The following ZNF33A variants were observed in gnomAD, a reference collection of about 807,000 sequenced individuals.
ZNF33A encodes the protein zinc finger protein 33A, also known as brain my041 protein.
In ZNF33A, 9 loss-of-function variants were observed where a neutral mutation model predicts 15.9. That is an observed-to-expected ratio of 0.57 (90% confidence interval 0.34 to 0.99). ZNF33A has a LOEUF of 0.99. Ranked by LOEUF, ZNF33A falls within the 50% of genes least tolerant of loss-of-function variation. The probability of loss-of-function intolerance (pLI) is 0.02; values close to 1 mark genes in which losing one functional copy is unlikely to be tolerated. For synonymous variants in ZNF33A, 294 were observed against 324.2 expected, an observed-to-expected ratio of 0.91 and a Z score of 1.00; for missense variants, 843 against 941.6, an observed-to-expected ratio of 0.90 and a Z score of 1.37.
chr10:38,036,499 C>A (rs945801144), intron 4 of ZNF33A, among the ~76,000 whole-genome samples: 1 of 151,940 alleles, frequency 6.6e-6, no homozygotes, highest in African/African-American at 2.4e-5. Flanking sequence ...AGAAGAAAAC[C>A]ATATCATGTC....
At chr10:38,036,497 A>C (rs1195670872) in intron 4 of ZNF33A, among the ~76,000 whole-genome samples, 2 of 152,124 alleles carry the variant, frequency 1.3e-5, no homozygotes, top group Non-Finnish European at 2.9e-5. Context: ...GCAGAAGAAA[A>C]CCATATCATG....
rs1564887194 is a variant in ZNF33A at position 38,057,724 on chromosome 10, C to T, written c.*1164C>T. 1 of 985,460 alleles carries T rather than the reference C, an allele frequency of 1.0e-6. No homozygotes were observed. The highest frequency in any genetic ancestry group is 1.1e-4 in the East Asian group (1 of 8,804). The allele number at this position is 985,460 out of a possible 1,614,324, so 61.0% of individuals were successfully genotyped here. On this transcript the variant is annotated 3_prime_UTR_variant, in exon 5 of 5. Transcript: ENST00000432900. ...TTCCTACCTGTGGCTCATGCCATGC[C>T]ATGAAGTGCCTAGGGTACATATGTG...
Position 38,018,864 on chromosome 10 carries a change from G to A in ZNF33A, c.250+1478G>A, listed in dbSNP as rs539497254. Among the ~76,000 whole-genome samples the A allele has an allele frequency of 2.0e-5, 3 of 152,050 alleles. No homozygotes were observed. In the East Asian group the frequency reaches 5.8e-4, roughly 29 times the overall value. Reference sequence around the variant, plus strand: ...AAAAGATATAAAACTACACATTCCCGAGTCTGAAGTAACATCAAATAAGTC... The same window carrying A: ...AAAAGATATAAAACTACACATTCCCAAGTCTGAAGTAACATCAAATAAGTC... On this transcript the variant is annotated intron_variant, in intron 4 of 4. Coordinates refer to ENST00000432900, the MANE Select transcript of ZNF33A (RefSeq NM_006954.2).
chr10:38,010,908 C>G (rs975838672), intron 1 of ZNF33A, 125 bp downstream of exon 1: 4 of 1,214,258 alleles, frequency 3.3e-6, no homozygotes, highest in Admixed American at 2.3e-5. Context: ...AAGGCGGGGA[C>G]GGCGGGGCTG....
At chr10:38,025,119 G>A (rs2064928331) in intron 4 of ZNF33A, among the ~76,000 whole-genome samples, 1 of 152,112 alleles carries the variant, frequency 6.6e-6, no homozygotes, top group African/African-American at 2.4e-5. Context: ...TATTTATAGG[G>A]CTCAATACTA....
intron 4 of ZNF33A, among the ~76,000 whole-genome samples, chr10:38,049,502 A>G (rs567804762): frequency 3.9e-5 from 6 of 152,256 alleles, no homozygotes; most frequent in African/African-American, 1.4e-4. Context: ...AAATGCATAT[A>G]TGAAGTTTCT....
chr10:38,035,823 T>G (rs191389217), intron 4 of ZNF33A, among the ~76,000 whole-genome samples: 31 of 152,104 alleles, frequency 2.0e-4, no homozygotes, highest in Non-Finnish European at 3.5e-4. Flanking sequence ...AAAGCTTTCA[T>G]AAAAGAAAAG....
At chr10:38,012,424 T>C (rs2064227853) in intron 2 of ZNF33A, 74 bp downstream of exon 2, 1 of 1,290,674 alleles carries the variant, frequency 7.7e-7, no homozygotes, top group Non-Finnish European at 1.1e-6. Flanking sequence ...ATATGGTGTT[T>C]GTTTTTTTTT....
chr10:38,021,061 A>G (rs1170280411), intron 4 of ZNF33A, among the ~76,000 whole-genome samples: 1 of 152,124 alleles, frequency 6.6e-6, no homozygotes, highest in Admixed American at 6.6e-5. Flanking sequence ...GGTGTTCTCT[A>G]TTCCACCATC....
chr10:38,023,784 G>A (rs565433416), intron 4 of ZNF33A, among the ~76,000 whole-genome samples: 1 of 152,122 alleles, frequency 6.6e-6, no homozygotes, highest in Non-Finnish European at 1.5e-5. Flanking sequence ...TGAAATAGAA[G>A]TCATACACGT....
In ZNF33A at chr10:38,056,090, C is replaced by G. The variant is rs1418530860; in HGVS notation, c.1966C>G (p.Gln656Glu). 8.7e-6 allele frequency: 14 copies of G among 1,613,916 alleles called. No homozygotes were observed. Among genetic ancestry groups the G allele is most frequent in the South Asian group, 3.3e-5 (3 of 91,080 alleles). The change falls in exon 5 of 5, where the codon CAG becomes GAG. Residue 656 changes from glutamine (Q) to glutamate (E), a missense_variant. Transcript: ENST00000432900. ...FCHKSALIVH[Q>E]RTHTQEKPYK... ...CCATAAGTCAGCTCTAATTGTACAT[C>G]AGAGAACCCATACACAAGAAAAGCC... is the stretch of plus-strand genomic sequence containing the variant.
At chr10:38,048,034 C>CA (rs1158229529) in intron 4 of ZNF33A, among the ~76,000 whole-genome samples, 8 of 151,910 alleles carry the variant, frequency 5.3e-5, no homozygotes, top group Admixed American at 3.3e-4. Flanking sequence ...GTTTTAAAAG[C>CA]AAAAAAACTC....
At chr10:38,015,081 G>C (rs1590448252) in intron 2 of ZNF33A, among the ~76,000 whole-genome samples, 1 of 151,980 alleles carries the variant, frequency 6.6e-6, no homozygotes, top group East Asian at 1.9e-4. Context: ...TGCCATGTTG[G>C]CCAGGCTGGT....
intron 1 of ZNF33A, among the ~76,000 whole-genome samples, chr10:38,011,749 C>T (rs1190828417): frequency 2.6e-5 from 4 of 152,192 alleles, no homozygotes; most frequent in Admixed American, 6.5e-5. Context: ...TTTCCACACA[C>T]ATCAAAGCAA....
At chr10:38,014,787 C>G (rs2064369633) in intron 2 of ZNF33A, among the ~76,000 whole-genome samples, 1 of 152,174 alleles carries the variant, frequency 6.6e-6, no homozygotes, top group African/African-American at 2.4e-5. Flanking sequence ...CTTCCTAGTT[C>G]CTTGCATTTC....
At chr10:38,016,445 C>T (rs2064456146) in intron 2 of ZNF33A, among the ~76,000 whole-genome samples, 2 of 152,102 alleles carry the variant, frequency 1.3e-5, no homozygotes, top group Admixed American at 1.3e-4. Context: ...GTATCATGGC[C>T]CTATGCTTAT....
chr10:38,022,091 G>A (rs1177115712), intron 4 of ZNF33A, among the ~76,000 whole-genome samples: 1 of 151,976 alleles, frequency 6.6e-6, no homozygotes, highest in Non-Finnish European at 1.5e-5. Context: ...CTAGAAAAGA[G>A]CAAAATAAAA....
At chr10:38,045,098 A>C (rs1357772048) in intron 4 of ZNF33A, among the ~76,000 whole-genome samples, 1 of 152,094 alleles carries the variant, frequency 6.6e-6, no homozygotes. Context: ...TATGTCTTGT[A>C]ATTTTTTTGT....
intron 4 of ZNF33A, 187 bp downstream of exon 4, chr10:38,017,573 T>A (rs1434086114): frequency 2.3e-6 from 1 of 439,312 alleles, no homozygotes; most frequent in Non-Finnish European, 4.1e-6. Context: ...AAATTCCTCC[T>A]TTTTGAATCG....
Sources: allele counts gnomAD v4.1 joint callset (sites outside exome capture counted in the v4.1 genomes callset), GRCh38; gene constraint gnomAD v4.1.1; transcripts MANE v1.5; gene names NCBI Gene and HGNC (gene_info 2026-07-23, HGNC 2026-07-21).